Variants in UNC5C observed in about 807,000 individuals in gnomAD.
UNC5C encodes netrin receptor UNC5C.
A neutral mutation model predicts 99.8 loss-of-function variants in UNC5C; 47 were observed. That is an observed-to-expected ratio of 0.47 (90% CI 0.37 to 0.60). UNC5C has a LOEUF of 0.60. Ranked by LOEUF, UNC5C falls within the 20% of genes least tolerant of loss-of-function variation. The probability of loss-of-function intolerance (pLI) is 0.00; values close to 1 mark genes in which losing one functional copy is unlikely to be tolerated. For synonymous variants in UNC5C, 487 were observed against 452.2 expected, an observed-to-expected ratio of 1.08 and a Z score of -0.98; for missense variants, 1,062 against 1,165.9, an observed-to-expected ratio of 0.91 and a Z score of 1.30.
At chr4:95,188,638 C>T (rs543061637) in intron 12 of UNC5C, among the ~76,000 whole-genome samples, 32 of 152,338 alleles carry the variant, frequency 2.1e-4, no homozygotes, top group African/African-American at 7.5e-4. Context: ...CTGAATTCTT[C>T]GCACATGATC....
At chr4:95,289,545 G>A (rs1741367100) in intron 3 of UNC5C, among the ~76,000 whole-genome samples, 1 of 152,090 alleles carries the variant, frequency 6.6e-6, no homozygotes, top group Admixed American at 6.5e-5. Flanking sequence ...GAACAATGGT[G>A]TTGAACACAT....
chr4:95,170,197 C>T lies in UNC5C; in HGVS notation c.2587G>A (p.Gly863Ser), dbSNP rs946762918. 3.4e-5 allele frequency: 55 copies of T among 1,614,058 alleles called. No individual in the cohort carries two copies. The highest frequency in any genetic ancestry group is 4.4e-5 in the Non-Finnish European group (52 of 1,180,054). ...CSSLDAPQTR[G>S]HDWRMLAHKL... ...TGGGCCAGCATCCTCCAGTCATGGC[C>T]TCTCGTCTGGGGGGCATCCAGGCTG... The change falls in exon 15 of 16, where the codon GGC becomes AGC. Residue 863 changes from glycine (G) to serine (S), a missense_variant. This residue lies in a region of UNC5C where 810 missense variants were observed against 854.5 expected (regional missense o/e 0.95). Transcript: ENST00000453304.
At chr4:95,267,200 A>C (rs1054783648) in intron 4 of UNC5C, among the ~76,000 whole-genome samples, 6 of 152,232 alleles carry the variant, frequency 3.9e-5, no homozygotes, top group Non-Finnish European at 8.8e-5. Context: ...AAGGACAACT[A>C]TGGCCTCTCC....
At chr4:95,368,151 G>A (rs985746955) in intron 1 of UNC5C, among the ~76,000 whole-genome samples, 1 of 152,060 alleles carries the variant, frequency 6.6e-6, no homozygotes, top group South Asian at 2.1e-4. Context: ...CTAGCTATCT[G>A]TGATGTATGA....
intron 1 of UNC5C, among the ~76,000 whole-genome samples, chr4:95,493,498 T>G (rs1190443713): frequency 6.6e-6 from 1 of 151,474 alleles, no homozygotes; most frequent in Non-Finnish European, 1.5e-5. Flanking sequence ...CAATACACTT[T>G]TTAGTCAGTG....
At chr4:95,422,413 A>C (rs1207257403) in intron 1 of UNC5C, among the ~76,000 whole-genome samples, 1 of 152,200 alleles carries the variant, frequency 6.6e-6, no homozygotes, top group Non-Finnish European at 1.5e-5. Context: ...ATCTGTTAAG[A>C]AAACATTTTC....
intron 1 of UNC5C, among the ~76,000 whole-genome samples, chr4:95,444,775 T>C (rs1245983301): frequency 6.6e-6 from 1 of 152,140 alleles, no homozygotes; most frequent in Non-Finnish European, 1.5e-5. Flanking sequence ...TTCAGAGCTC[T>C]TGGGCTAGCT....
At chr4:95,529,324 ATATATT>A (rs1011504758) in intron 1 of UNC5C, among the ~76,000 whole-genome samples, 1 of 147,948 alleles carries the variant, frequency 6.8e-6, no homozygotes, top group African/African-American at 2.5e-5. Context: ...ATATGTGTAT[ATATATT>A]TATATGTATA....
At chr4:95,311,297 A>G (rs547035218) in intron 2 of UNC5C, among the ~76,000 whole-genome samples, 40 of 152,318 alleles carry the variant, frequency 2.6e-4, no homozygotes, top group Non-Finnish European at 5.3e-4. Context: ...TGGAATATAA[A>G]AAAAACAATT....
intron 10 of UNC5C, among the ~76,000 whole-genome samples, chr4:95,214,456 C>A (rs2621449): frequency 0.56 from 85,034 of 152,096 alleles, 24,340 homozygotes; most frequent in Middle Eastern, 0.75. Flanking sequence ...AGAACCCTAA[C>A]AGCAGAAAAG....
chr4:95,221,428 A>G (rs1176137369), intron 7 of UNC5C, among the ~76,000 whole-genome samples: 1 of 152,194 alleles, frequency 6.6e-6, no homozygotes, highest in Non-Finnish European at 1.5e-5. Context: ...TCACAGCCAC[A>G]TGGTTTACAT....
At chr4:95,548,690 A>G (rs1310014320) in intron 1 of UNC5C, 44 bp downstream of exon 1, 1 of 1,597,806 alleles carries the variant, frequency 6.3e-7, no homozygotes, top group African/African-American at 1.3e-5. Flanking sequence ...GAGGGAAGGA[A>G]GAAGCTAAGG....
At chr4:95,438,803 G>A (rs1452997577) in intron 1 of UNC5C, among the ~76,000 whole-genome samples, 1 of 152,090 alleles carries the variant, frequency 6.6e-6, no homozygotes, top group Non-Finnish European at 1.5e-5. Context: ...CTAAACAGCT[G>A]ATTTTATTGA....
intron 12 of UNC5C, among the ~76,000 whole-genome samples, chr4:95,191,695 C>G (rs1737104872): frequency 6.6e-6 from 1 of 151,418 alleles, no homozygotes; most frequent in South Asian, 2.1e-4. Flanking sequence ...CAATCACCTC[C>G]TCCCCTGCTT....
chr4:95,225,527 G>A (rs1738651181), intron 7 of UNC5C, among the ~76,000 whole-genome samples: 1 of 151,986 alleles, frequency 6.6e-6, no homozygotes, highest in Admixed American at 6.6e-5. Flanking sequence ...TCTGTCAATA[G>A]GTGTATAATA....
intron 7 of UNC5C, among the ~76,000 whole-genome samples, chr4:95,226,411 T>C (rs1483431579): frequency 6.6e-6 from 1 of 152,200 alleles, no homozygotes; most frequent in African/African-American, 2.4e-5. Context: ...TGCTGGTACA[T>C]TGCCAGTAAT....
At chr4:95,179,241 C>T (rs1736502886) in intron 14 of UNC5C, among the ~76,000 whole-genome samples, 1 of 152,070 alleles carries the variant, frequency 6.6e-6, no homozygotes, top group African/African-American at 2.4e-5. Flanking sequence ...CTAGATTTTC[C>T]CAATGGTCAT....
chr4:95,368,704 C>T (rs752478060), intron 1 of UNC5C, among the ~76,000 whole-genome samples: 10 of 151,984 alleles, frequency 6.6e-5, no homozygotes, highest in Non-Finnish European at 1.5e-4. Flanking sequence ...TAATGCAAAT[C>T]GCATATGTAA....
intron 1 of UNC5C, among the ~76,000 whole-genome samples, chr4:95,479,097 A>G (rs1238494033): frequency 6.6e-6 from 1 of 152,002 alleles, no homozygotes; most frequent in African/African-American, 2.4e-5. Context: ...TAAATTACCC[A>G]GCCTCAGGTA....
Sources: gnomAD v4.1 joint callset for allele counts (sites outside exome capture counted in the v4.1 genomes callset) on GRCh38, gnomAD v4.1.1 for gene constraint, gnomAD v4.1.1 regional missense constraint, MANE v1.5 for transcripts, NCBI Gene and HGNC (gene_info 2026-07-23, HGNC 2026-07-21) for gene names.